The following MYO15B variants were observed in gnomAD, a reference collection of about 807,000 sequenced individuals.
The protein encoded by MYO15B is myosin XVB pseudogene.
Under a neutral mutation model 119.3 loss-of-function variants are expected in MYO15B, and 207 were observed. That is an observed-to-expected ratio of 1.73 (90% CI 1.55 to 1.95). The LOEUF is 1.95. MYO15B is among the 30% of genes most tolerant of loss of function. The probability of loss-of-function intolerance (pLI) is 0.00; values close to 1 mark genes in which losing one functional copy is unlikely to be tolerated. For missense variants in MYO15B, 2,264 were observed against 1,203.1 expected (o/e 1.88, Z -13.04); for synonymous variants, 966 against 498.9 (o/e 1.94, Z -12.48).
chr17:75,617,370 C>T lies in MYO15B; in HGVS notation c.6814+66C>T, dbSNP rs1448767887. 5.2e-6 allele frequency: 3 copies of T among 575,342 alleles called. No homozygotes were observed. The African/African-American group carries it at 5.7e-5, about 11-fold the overall frequency. The allele number at this position is 575,342 out of a possible 1,614,324, so 35.6% of individuals were successfully genotyped here. On this transcript the variant is annotated intron_variant, in intron 41 of 63. Transcript: ENST00000645453. ...GGCAGAGGCAGGGTTCGCACAGACT[C>T]TCGGTGCCCAGGGCTGAAGGCATTT...
At chr17:75,590,094 G>C in exon 1 of MYO15B, 1 of 399,044 alleles carries the variant, frequency 2.5e-6, no homozygotes, top group Non-Finnish European at 4.4e-6. Context: ...TGAGGGAGCT[G>C]TGGGAACCCG....
chr17:75,623,055 G>A (rs1447491637), intron 53 of MYO15B, among the ~76,000 whole-genome samples: 1 of 62,946 alleles, frequency 1.6e-5, no homozygotes, highest in Non-Finnish European at 3.7e-5. Flanking sequence ...GCAGGGGCCG[G>A]GCGCGGCGGC....
At chr17:75,605,644 G>A in intron 20 of MYO15B, 23 bp downstream of exon 20, 1 of 702,572 alleles carries the variant, frequency 1.4e-6, no homozygotes. Flanking sequence ...ATCCCTGTGT[G>A]CAGAGGGCAG....
intron 19 of MYO15B, among the ~76,000 whole-genome samples, chr17:75,604,269 A>G (rs2057472517): frequency 6.6e-6 from 1 of 152,132 alleles, no homozygotes; most frequent in African/African-American, 2.4e-5. Context: ...CTCTCCACCC[A>G]GCACAGACCA....
chr17:75,600,785 A>C (rs1420454854), intron 14 of MYO15B: 1 of 150,894 alleles, frequency 6.6e-6, no homozygotes, highest in Non-Finnish European at 1.5e-5. Context: ...ACAGGGTTTC[A>C]CTATGTTGGC....
rs115895379 is a variant in MYO15B, at chr17:75,625,415, G to A, written c.8805-112G>A. The A allele has an allele frequency of 5.0e-3, 3,342 of 664,202 alleles. 64 individuals are homozygous for A. The African/African-American group carries it at 0.05, about 10-fold the overall frequency. The allele number at this position is 664,202 out of a possible 1,614,324, so 41.1% of individuals were successfully genotyped here. A position where few individuals can be genotyped will look rare whatever the true frequency, so the allele number is the denominator to read the frequency against. On this transcript the variant is annotated intron_variant, in intron 60 of 63. Transcript: ENST00000645453. ...TGCAGGACCCTCACCTCATTCATGT[G>A]TATGGATGTCTAGTCTTGCCCACAA...
intron 49 of MYO15B, 126 bp from the exon 50 acceptor site, chr17:75,620,904 GC>G: frequency 1.4e-6 from 1 of 702,182 alleles, no homozygotes. Flanking sequence ...TTAATAAACA[GC>G]TCTTCACTTT....
intron 12 of MYO15B, among the ~76,000 whole-genome samples, chr17:75,595,582 C>T (rs1043989774): frequency 2.0e-5 from 3 of 152,230 alleles, no homozygotes; most frequent in African/African-American, 7.2e-5. Context: ...AGAGGCTTAA[C>T]GGAGATAGTC....
At chr17:75,596,641 T>C (rs907007810) in intron 13 of MYO15B, 86 bp downstream of exon 13, 27 of 689,260 alleles carry the variant, frequency 3.9e-5, no homozygotes, top group Non-Finnish European at 6.9e-5. Context: ...AGTTGGGAAC[T>C]GAGAGCTCTG....
intron 13 of MYO15B, 99 bp from the exon 14 acceptor site, chr17:75,596,669 C>T (rs1277835823): frequency 1.5e-6 from 1 of 673,998 alleles, no homozygotes; most frequent in African/African-American, 1.8e-5. Flanking sequence ...GGCCCCTTTC[C>T]ATGAGGTGTC....
At position 75,596,660 on chromosome 17, in the gene MYO15B, G is replaced by C. The variant is rs1208137460; in HGVS notation, c.3393+105G>C. On this transcript the variant is annotated intron_variant, in intron 13 of 63. Coordinates refer to ENST00000645453, the Ensembl canonical transcript of MYO15B. ...GGGAACTGAGAGCTCTGCCTGGAAGGCCCCTTTCCATGAGGTGTCTCAGTC... is the reference window on the plus strand; with the variant it reads ...GGGAACTGAGAGCTCTGCCTGGAAGCCCCCTTTCCATGAGGTGTCTCAGTC... 4.4e-6 allele frequency: 3 copies of C among 678,024 alleles called. No individual in the cohort carries two copies. In the Admixed American group the frequency reaches 6.3e-5, roughly 14 times the overall value. 42.0% of individuals were successfully genotyped at this position (678,024 alleles called of 1,614,324 possible). A position where few individuals can be genotyped will look rare whatever the true frequency, so the allele number is the denominator to read the frequency against.
At chr17:75,625,366 C>T (rs971938420) in intron 60 of MYO15B, 128 bp downstream of exon 60, 2 of 641,640 alleles carry the variant, frequency 3.1e-6, no homozygotes, top group Non-Finnish European at 5.7e-6. Flanking sequence ...TCTGTCCTCT[C>T]CACCCCACCC....
At chr17:75,618,984 C>G in intron 43 of MYO15B, 159 bp from the exon 44 acceptor site, 1 of 613,368 alleles carries the variant, frequency 1.6e-6, no homozygotes, top group Non-Finnish European at 2.9e-6. Flanking sequence ...CCCTCCATCC[C>G]TCCCTGCCCC....
At chr17:75,611,657 A>G (rs1197476088) in exon 24 of MYO15B, 1 of 702,668 alleles carries the variant, frequency 1.4e-6, no homozygotes, top group East Asian at 2.7e-5. Context: ...AGACGGCGGA[A>G]AGTGAGTCTT....
rs79969638 is a variant in MYO15B, at chr17:75,615,839, G to T, written c.5985G>T (p.Pro1995=). The T allele has an allele frequency of 4.3e-6, 3 of 701,710 alleles. No homozygotes were observed. The African/African-American group carries it at 5.2e-5, about 12-fold the overall frequency. The allele number at this position is 701,710 out of a possible 1,614,324, so 43.5% of individuals were successfully genotyped here. The change falls in exon 36 of 64, where the codon CCG becomes CCT. Residue 1995 remains proline (P), a synonymous_variant. Transcript: ENST00000645453. ...AGCCCAGGAAGCCCCCCACACCCCC[G>T]GAGAAGCCACAGCGTGACCTGGGAT... is the stretch of plus-strand genomic sequence containing the variant.
At chr17:75,590,509 T>A in intron 1 of MYO15B, 117 bp from the exon 2 acceptor site, 1 of 369,648 alleles carries the variant, frequency 2.7e-6, no homozygotes. Context: ...CCCCATTTTA[T>A]GGATCAGGCT....
At chr17:75,626,314 GGCCGATGCCCACTGC>G in intron 63 of MYO15B, 78 bp from the exon 64 acceptor site, 2 of 698,754 alleles carry the variant, frequency 2.9e-6, no homozygotes, top group Non-Finnish European at 2.6e-6. Context: ...CCCAGGCCCA[GGCCGATGCCCACTGC>G]TCCGGAGTGC....
chr17:75,611,374 G>A (rs2058016231), intron 23 of MYO15B, among the ~76,000 whole-genome samples: 1 of 150,790 alleles, frequency 6.6e-6, no homozygotes, highest in African/African-American at 2.4e-5. Flanking sequence ...GAGGTGGGAG[G>A]ATCGCTTGAG....
At chr17:75,626,565 T>C (rs546352990) in exon 64 of MYO15B, 2 of 697,472 alleles carry the variant, frequency 2.9e-6, no homozygotes, top group Admixed American at 2.0e-5. Context: ...TTGGATGCTA[T>C]CAGATCACTG....
Sources: allele counts gnomAD v4.1 joint callset (sites outside exome capture counted in the v4.1 genomes callset), GRCh38; gene constraint gnomAD v4.1.1; transcripts MANE v1.5; gene names NCBI Gene and HGNC (gene_info 2026-07-23, HGNC 2026-07-21).